Variants in KCNIP4 observed in about 807,000 individuals in gnomAD.
The protein encoded by KCNIP4 is Kv channel-interacting protein 4.
KCNIP4 carries 12 observed loss-of-function variants against 34.0 expected under a neutral mutation model. That is an observed-to-expected ratio of 0.35 (90% CI 0.23 to 0.57). The LOEUF (loss-of-function observed/expected upper bound fraction) is 0.57. Ranked by LOEUF, KCNIP4 falls within the 20% of genes least tolerant of loss-of-function variation. The probability of loss-of-function intolerance (pLI) is 0.83; values close to 1 mark genes in which losing one functional copy is unlikely to be tolerated. For synonymous variants in KCNIP4, 124 were observed against 102.2 expected, an observed-to-expected ratio of 1.21 and a Z score of -1.29; for missense variants, 238 against 311.7, an observed-to-expected ratio of 0.76 and a Z score of 1.78.
At chr4:20,983,780 T>G in intron 1 of KCNIP4, 7 of 1,516,204 alleles carry the variant, frequency 4.6e-6, no homozygotes, top group Non-Finnish European at 6.2e-6. Context: ...AAACCAGACC[T>G]GCCCAACAGC....
At chr4:21,183,088 T>C (rs1359980435) in intron 1 of KCNIP4, among the ~76,000 whole-genome samples, 2 of 152,252 alleles carry the variant, frequency 1.3e-5, no homozygotes, top group South Asian at 2.1e-4. Flanking sequence ...ATTTCACATA[T>C]ATGTGATCTC....
At chr4:21,284,870 C>CT (rs1763012679) in intron 1 of KCNIP4, among the ~76,000 whole-genome samples, 2 of 152,092 alleles carry the variant, frequency 1.3e-5, no homozygotes, top group East Asian at 3.9e-4. Context: ...AACACACCCA[C>CT]CGGGAGAAGG....
intron 1 of KCNIP4, among the ~76,000 whole-genome samples, chr4:21,807,491 A>C (rs971004171): frequency 6.6e-6 from 1 of 152,192 alleles, no homozygotes; most frequent in Non-Finnish European, 1.5e-5. Context: ...CATATCAATA[A>C]ATTAAATTAT....
At chr4:20,823,092 G>A (rs978358806) in intron 3 of KCNIP4, among the ~76,000 whole-genome samples, 6 of 152,102 alleles carry the variant, frequency 3.9e-5, no homozygotes, top group Non-Finnish European at 8.8e-5. Flanking sequence ...TGTTCCTGCT[G>A]CTATAACAAA....
intron 1 of KCNIP4, among the ~76,000 whole-genome samples, chr4:21,304,970 T>TAA (rs11321134): frequency 6.7e-6 from 1 of 149,650 alleles, no homozygotes; most frequent in Non-Finnish European, 1.5e-5. Flanking sequence ...AGTTTGAGAA[T>TAA]AAAAAAAAAA....
chr4:21,825,705 T>C (rs775920458), intron 1 of KCNIP4, among the ~76,000 whole-genome samples: 56 of 152,176 alleles, frequency 3.7e-4, no homozygotes, highest in Admixed American at 7.2e-4. Context: ...TTATGTAACA[T>C]AAGAGCACTG....
intron 1 of KCNIP4, among the ~76,000 whole-genome samples, chr4:21,326,289 C>CATATATAT (rs61553563): frequency 9.1e-4 from 136 of 148,656 alleles, no homozygotes; most frequent in African/African-American, 3.2e-3. Flanking sequence ...GTTGGATATA[C>CATATATAT]ATATATATAT....
chr4:21,374,421 A>G lies in KCNIP4; in HGVS notation c.62-491712T>C, dbSNP rs1378984918. 6.8e-5 allele frequency among the ~76,000 whole-genome samples: 10 copies of G among 147,096 alleles called. 1 individual carries two copies. Among genetic ancestry groups the G allele is most frequent in the Non-Finnish European group, 8.8e-5 (6 of 68,030 alleles). On this transcript the variant is annotated intron_variant, in intron 1 of 8. Coordinates refer to ENST00000382152, the MANE Select transcript of KCNIP4 (RefSeq NM_025221.6). ...TCAGATCTAGTGAGACATATTCACT[A>G]CCATGAGAACAGTATGCGGGAAACC...
At chr4:21,124,399 T>C (rs928826635) in intron 1 of KCNIP4, among the ~76,000 whole-genome samples, 1 of 152,218 alleles carries the variant, frequency 6.6e-6, no homozygotes, top group Non-Finnish European at 1.5e-5. Context: ...TAAACTGAGT[T>C]TTGATCTGTG....
intron 1 of KCNIP4, among the ~76,000 whole-genome samples, chr4:21,283,570 G>A (rs1190582173): frequency 6.9e-6 from 1 of 144,292 alleles, no homozygotes; most frequent in African/African-American, 2.6e-5. Context: ...AGTTTTTACA[G>A]ACAAACTACT....
intron 1 of KCNIP4, among the ~76,000 whole-genome samples, chr4:21,534,525 A>G (rs927298393): frequency 6.6e-5 from 10 of 152,150 alleles, no homozygotes; most frequent in Non-Finnish European, 1.5e-4. Context: ...TAGTGCCCAT[A>G]TTGAAAACCA....
In KCNIP4 at chr4:21,249,135, G is replaced by A. The variant is rs149994989; in HGVS notation, c.62-366426C>T. Reference sequence around the variant, plus strand: ...TCTTGTAAAGGAGGCAAAATCAACAGTAAGAAGGGGGCTAATATTTTCAGT... The same window carrying A: ...TCTTGTAAAGGAGGCAAAATCAACAATAAGAAGGGGGCTAATATTTTCAGT... On this transcript the variant is annotated intron_variant, in intron 1 of 8. Transcript: ENST00000382152. 2.0e-3 allele frequency among the ~76,000 whole-genome samples: 311 copies of A among 152,254 alleles called. 2 individuals are homozygous for A. The highest frequency in any genetic ancestry group is 7.2e-3 in the Admixed American group (110 of 15,274).
chr4:21,200,983 G>A (rs943142546), intron 1 of KCNIP4, among the ~76,000 whole-genome samples: 3 of 152,092 alleles, frequency 2.0e-5, no homozygotes, highest in African/African-American at 7.2e-5. Flanking sequence ...GAGTCAAAGA[G>A]TACTTAAGTG....
intron 1 of KCNIP4, among the ~76,000 whole-genome samples, chr4:21,489,881 AT>A (rs777665076): frequency 2.6e-5 from 4 of 152,176 alleles, no homozygotes; most frequent in Non-Finnish European, 5.9e-5. Flanking sequence ...ATGAAAAAAA[AT>A]ATGATATCCC....
Position 21,423,665 on chromosome 4 carries a change from A to AT in KCNIP4, c.61+524905dup, listed in dbSNP as rs534754396. Among the ~76,000 whole-genome samples the AT allele has an allele frequency of 1.2e-4, 19 of 152,190 alleles. No individual in the cohort carries two copies. The South Asian group carries it at 2.9e-3, about 23-fold the overall frequency. ...CATGTCACAAAGTTCAATCCAACTG[A>AT]TTTTTTTTAATTTCACAGAATTTTA... is the stretch of plus-strand genomic sequence containing the variant. On this transcript the variant is annotated intron_variant, in intron 1 of 8. Coordinates refer to ENST00000382152, the MANE Select transcript of KCNIP4 (RefSeq NM_025221.6).
intron 1 of KCNIP4, among the ~76,000 whole-genome samples, chr4:20,976,812 T>G (rs769211496): frequency 6.6e-6 from 1 of 152,180 alleles, no homozygotes; most frequent in Admixed American, 6.5e-5. Context: ...TAATCATGTT[T>G]GAACAGAAGC....
intron 3 of KCNIP4, among the ~76,000 whole-genome samples, chr4:20,790,328 T>C (rs938057768): frequency 6.6e-6 from 1 of 152,166 alleles, no homozygotes; most frequent in East Asian, 1.9e-4. Flanking sequence ...CCTAGGACAT[T>C]GCTGTACACT....
chr4:21,914,898 C>G (rs1168393854), intron 1 of KCNIP4, among the ~76,000 whole-genome samples: 2 of 151,680 alleles, frequency 1.3e-5, no homozygotes, highest in Non-Finnish European at 2.9e-5. Flanking sequence ...AACTGGGTAA[C>G]AAATTACATA....
At chr4:21,251,951 T>A (rs1760731003) in intron 1 of KCNIP4, among the ~76,000 whole-genome samples, 1 of 151,456 alleles carries the variant, frequency 6.6e-6, no homozygotes, top group Admixed American at 6.6e-5. Context: ...GCATGGCACA[T>A]GTATACACAT....
Sources: gnomAD v4.1 joint callset for allele counts (sites outside exome capture counted in the v4.1 genomes callset) on GRCh38, gnomAD v4.1.1 for gene constraint, MANE v1.5 for transcripts, NCBI Gene and HGNC (gene_info 2026-07-23, HGNC 2026-07-21) for gene names.